Variants in ITPR1 observed in about 807,000 individuals in gnomAD.
ITPR1 encodes inositol 1,4,5-trisphosphate receptor type 1, also known as inositol 1,4,5-trisphosphate-gated calcium channel ITPR1.
In ITPR1, 96 loss-of-function variants were observed where a neutral mutation model predicts 318.4. The observed-to-expected ratio is 0.30, with a 90% CI of 0.26 to 0.36. ITPR1 has a LOEUF of 0.36. Among genes scored for constraint, ITPR1 ranks in the 10% least tolerant of loss-of-function variants. The pLI is 1.00. For synonymous variants in ITPR1, 1,312 were observed against 1,289.9 expected, an observed-to-expected ratio of 1.02 and a Z score of -0.37; for missense variants, 2,440 against 3,460.2, an observed-to-expected ratio of 0.71 and a Z score of 7.40.
intron 10 of ITPR1, chr3:4,646,133 C>A: frequency 5.3e-6 from 1 of 188,062 alleles, no homozygotes; most frequent in Non-Finnish European, 1.1e-5. Context: ...AATATTTAAC[C>A]AGGTGTCTAC....
intron 51 of ITPR1, among the ~76,000 whole-genome samples, chr3:4,786,317 T>C (rs928551730): frequency 1.3e-5 from 2 of 152,186 alleles, no homozygotes; most frequent in Non-Finnish European, 2.9e-5. Flanking sequence ...GGTTGAGTTA[T>C]GGACAAGAAT....
chr3:4,650,644 T>TGTGTGTGCGC (rs1337776997), intron 10 of ITPR1, among the ~76,000 whole-genome samples: 1 of 26,516 alleles, frequency 3.8e-5, no homozygotes, highest in African/African-American at 7.3e-5. Flanking sequence ...TGTGTGTGTG[T>TGTGTGTGCGC]GCGCGCGTCT....
chr3:4,688,975 G>A (rs540445351), intron 31 of ITPR1, among the ~76,000 whole-genome samples: 11 of 152,264 alleles, frequency 7.2e-5, no homozygotes, highest in Admixed American at 3.3e-4. Flanking sequence ...CTGTGGCTAT[G>A]TATACATATA....
intron 4 of ITPR1, among the ~76,000 whole-genome samples, chr3:4,529,671 G>A (rs941478897): frequency 3.3e-5 from 5 of 152,080 alleles, no homozygotes; most frequent in Non-Finnish European, 7.4e-5. Flanking sequence ...TGTCTTTTAG[G>A]CTTCTGTGTT....
At chr3:4,521,706 T>C (rs1296532688) in intron 4 of ITPR1, among the ~76,000 whole-genome samples, 1 of 152,064 alleles carries the variant, frequency 6.6e-6, no homozygotes, top group African/African-American at 2.4e-5. Flanking sequence ...CTGTCTCTAC[T>C]GAAAATACAG....
intron 4 of ITPR1, among the ~76,000 whole-genome samples, chr3:4,600,189 C>T (rs2091163239): frequency 6.6e-6 from 1 of 152,222 alleles, no homozygotes; most frequent in South Asian, 2.1e-4. Flanking sequence ...AATTTTACCT[C>T]TGTGGCATTG....
intron 60 of ITPR1, chr3:4,831,121 T>A (rs1171740188): frequency 1.5e-3 from 401 of 270,744 alleles, no homozygotes; most frequent in African/African-American, 2.2e-3. Flanking sequence ...TCTCTCTCTC[T>A]CTCTCTCTCT....
At chr3:4,699,500 T>G (rs533460470) in intron 34 of ITPR1, among the ~76,000 whole-genome samples, 51 of 152,342 alleles carry the variant, frequency 3.3e-4, no homozygotes, top group African/African-American at 1.2e-3. Flanking sequence ...AAGACACCTG[T>G]AGTCACTGTG....
intron 44 of ITPR1, among the ~76,000 whole-genome samples, chr3:4,752,455 C>T (rs562094790): frequency 2.6e-5 from 4 of 152,276 alleles, no homozygotes; most frequent in East Asian, 3.9e-4. Context: ...GTGCAAAAAC[C>T]GGATAAGCCC....
chr3:4,673,417 ACATT>A lies in ITPR1; in HGVS notation c.2456+31_2456+34del, dbSNP rs1455870366. 7.0e-6 allele frequency: 11 copies of A among 1,573,956 alleles called. No homozygotes were observed. The African/African-American group carries it at 1.2e-4, about 17-fold the overall frequency. On this transcript the variant is annotated intron_variant, in intron 21 of 61. Transcript: ENST00000649015. ...GCCTGGCACCTGAAAACCTCACTTT[ACATT>A]ATTCTGTGCGGCAGTAGATAGCCCC...
chr3:4,596,497 G>C (rs996419239), intron 4 of ITPR1, among the ~76,000 whole-genome samples: 8 of 152,168 alleles, frequency 5.3e-5, no homozygotes, highest in African/African-American at 1.9e-4. Flanking sequence ...TTGGAACATG[G>C]GGTTTATTTG....
intron 48 of ITPR1, among the ~76,000 whole-genome samples, chr3:4,777,610 G>C (rs1380385124): frequency 6.6e-6 from 1 of 152,312 alleles, no homozygotes; most frequent in East Asian, 1.9e-4. Flanking sequence ...ACAGAATGAA[G>C]ATTCCTTGCT....
At chr3:4,723,167 A>C (rs945980662) in intron 40 of ITPR1, among the ~76,000 whole-genome samples, 2 of 152,154 alleles carry the variant, frequency 1.3e-5, no homozygotes, top group Non-Finnish European at 2.9e-5. Flanking sequence ...CAGACACACA[A>C]AAAAAGAATA....
At chr3:4,742,497 A>C (rs2043783230) in intron 44 of ITPR1, among the ~76,000 whole-genome samples, 2 of 152,190 alleles carry the variant, frequency 1.3e-5, no homozygotes, top group Non-Finnish European at 2.9e-5. Flanking sequence ...GACTTGGAGA[A>C]TAGGATGGTG....
chr3:4,528,861 T>A (rs1311662473), intron 4 of ITPR1, among the ~76,000 whole-genome samples: 1 of 152,228 alleles, frequency 6.6e-6, no homozygotes, highest in Non-Finnish European at 1.5e-5. Context: ...TTTTTTGTAA[T>A]CTTCATTTCA....
At chr3:4,770,884 C>T (rs1057210078) in intron 46 of ITPR1, among the ~76,000 whole-genome samples, 1 of 152,206 alleles carries the variant, frequency 6.6e-6, no homozygotes, top group Non-Finnish European at 1.5e-5. Context: ...CCTCCACCTT[C>T]CATAACCCTA....
At chr3:4,585,349 T>C (rs1449487920) in intron 4 of ITPR1, among the ~76,000 whole-genome samples, 12 of 152,254 alleles carry the variant, frequency 7.9e-5, no homozygotes, top group Non-Finnish European at 1.6e-4. Flanking sequence ...TTGGATTTAG[T>C]TACCTGTCCT....
chr3:4,653,966 C>A, intron 12 of ITPR1, 80 bp downstream of exon 12: 1 of 992,934 alleles, frequency 1.0e-6, no homozygotes, highest in Non-Finnish European at 1.6e-6. Flanking sequence ...AAGAAACTGT[C>A]ACTGTGGTCA....
intron 4 of ITPR1, among the ~76,000 whole-genome samples, chr3:4,556,776 C>T (rs951800733): frequency 1.3e-5 from 2 of 152,108 alleles, no homozygotes; most frequent in African/African-American, 2.4e-5. Context: ...CTATAAACAT[C>T]CCTGTGCAGG....
Sources: gnomAD v4.1 joint callset for allele counts (sites outside exome capture counted in the v4.1 genomes callset) on GRCh38, gnomAD v4.1.1 for gene constraint, MANE v1.5 for transcripts, NCBI Gene and HGNC (gene_info 2026-07-23, HGNC 2026-07-21) for gene names.